Variants in MVB12B observed in about 807,000 individuals in gnomAD.
The protein encoded by MVB12B is multivesicular body subunit 12B.
Under a neutral mutation model 41.6 loss-of-function variants are expected in MVB12B, and 16 were observed. The ratio of observed to expected loss-of-function variants is 0.38; its 90% CI spans 0.26 to 0.58. MVB12B has a LOEUF of 0.58. Ranked by LOEUF, MVB12B falls within the 20% of genes least tolerant of loss-of-function variation. The probability of loss-of-function intolerance (pLI) is 0.62; values close to 1 mark genes in which losing one functional copy is unlikely to be tolerated. For synonymous variants in MVB12B, 133 were observed against 139.7 expected, an observed-to-expected ratio of 0.95 and a Z score of 0.34; for missense variants, 274 against 380.2, an observed-to-expected ratio of 0.72 and a Z score of 2.32.
chr9:126,481,537 C>T (rs962262520), intron 8 of MVB12B, 113 bp downstream of exon 8: 1 of 790,858 alleles, frequency 1.3e-6, no homozygotes, highest in South Asian at 1.5e-5. Flanking sequence ...GCCCCTTCCC[C>T]TACCGGAATC....
At chr9:126,502,566 G>T (rs961189942) in intron 9 of MVB12B, among the ~76,000 whole-genome samples, 3 of 152,048 alleles carry the variant, frequency 2.0e-5, no homozygotes, top group South Asian at 2.1e-4. Flanking sequence ...CCCTGGCCCC[G>T]CTGTGGCCTG....
intron 9 of MVB12B, among the ~76,000 whole-genome samples, chr9:126,502,864 G>C (rs774940849): frequency 6.6e-6 from 1 of 152,186 alleles, no homozygotes; most frequent in African/African-American, 2.4e-5. Flanking sequence ...GCAGATGGGC[G>C]GCACCGTGGT....
intron 9 of MVB12B, among the ~76,000 whole-genome samples, chr9:126,485,774 C>A (rs1833607389): frequency 9.1e-6 from 1 of 109,504 alleles, no homozygotes; most frequent in African/African-American, 3.2e-5. Context: ...AAAAGAAACC[C>A]AGGACTGGCA....
intron 2 of MVB12B, among the ~76,000 whole-genome samples, chr9:126,356,518 G>A (rs1184843760): frequency 6.6e-6 from 1 of 152,120 alleles, no homozygotes; most frequent in African/African-American, 2.4e-5. Flanking sequence ...GAGTATGTAT[G>A]TAAATGTCTG....
At chr9:126,477,133 G>A (rs1000211827) in intron 7 of MVB12B, among the ~76,000 whole-genome samples, 6 of 152,146 alleles carry the variant, frequency 3.9e-5, no homozygotes, top group Non-Finnish European at 7.3e-5. Flanking sequence ...GGTGGAAGGT[G>A]AAGGGGGAAC....
rs1830476793 is a variant in MVB12B at position 126,376,226 on chromosome 9, A to G, written c.205-4838A>G. Among the ~76,000 whole-genome samples the G allele has an allele frequency of 6.6e-6, 1 of 152,004 alleles. No homozygotes were observed. Among genetic ancestry groups the G allele is most frequent in the African/African-American group, 2.4e-5 (1 of 41,370 alleles). Reference sequence around the variant, plus strand: ...GTCCTCAAATTGTTCCTTTTTAAAAACGTTTTCATAATACTCTGTTCTTGT... The same window carrying G: ...GTCCTCAAATTGTTCCTTTTTAAAAGCGTTTTCATAATACTCTGTTCTTGT... On this transcript the variant is annotated intron_variant, in intron 2 of 9. Coordinates refer to ENST00000361171, the MANE Select transcript of MVB12B (RefSeq NM_033446.3). This position sits in a 1 kb window ranked among gnomAD's most constrained non-coding sequence, Gnocchi z 4.1.
At chr9:126,476,744 G>A (rs11790478) in intron 7 of MVB12B, among the ~76,000 whole-genome samples, 39,980 of 151,434 alleles carry the variant, frequency 0.26, 5,449 homozygotes, top group Middle Eastern at 0.33. Flanking sequence ...GGGCATGGTG[G>A]CGGGTGCCTG....
At chr9:126,341,423 G>C (rs1185351611) in intron 2 of MVB12B, among the ~76,000 whole-genome samples, 1 of 152,208 alleles carries the variant, frequency 6.6e-6, no homozygotes, top group Non-Finnish European at 1.5e-5. Context: ...GTGGTCTTAT[G>C]TTTACTTTCC....
At chr9:126,439,273 G>A (rs546846272) in intron 7 of MVB12B, among the ~76,000 whole-genome samples, 39 of 151,488 alleles carry the variant, frequency 2.6e-4, no homozygotes, top group African/African-American at 8.7e-4. Context: ...GTCCGCTGGG[G>A]GTGGGGGCGC....
chr9:126,398,354 C>G (rs1201847157), intron 6 of MVB12B, among the ~76,000 whole-genome samples: 2 of 152,236 alleles, frequency 1.3e-5, no homozygotes, highest in South Asian at 2.1e-4. Context: ...CTCCCTGGTC[C>G]CTGAGCACTG....
intron 4 of MVB12B, among the ~76,000 whole-genome samples, chr9:126,388,303 G>A (rs975301655): frequency 2.0e-5 from 3 of 152,170 alleles, no homozygotes; most frequent in African/African-American, 7.2e-5. Context: ...GTGGTCTTTT[G>A]TGACCAGCTT....
chr9:126,408,154 A>G (rs565651301), intron 6 of MVB12B: 2 of 152,362 alleles, frequency 1.3e-5, no homozygotes, highest in African/African-American at 4.8e-5. Flanking sequence ...AGCTGCCGGC[A>G]TGATAAGAAT....
chr9:126,459,656 C>T lies in MVB12B; in HGVS notation c.758-21713C>T, dbSNP rs145787415. Among the ~76,000 whole-genome samples, 220 of 152,244 alleles carry T rather than the reference C, an allele frequency of 1.4e-3. No homozygotes were observed. Among genetic ancestry groups the T allele is most frequent in the African/African-American group, 4.9e-3 (204 of 41,546 alleles). The stretch of plus-strand genomic sequence containing the variant: ...AGCCCAGGTGACTGTGGCATGCCTG[C>T]GGGTTTGAGAGTTTTGGAGCAGAAG... On this transcript the variant is annotated intron_variant, in intron 7 of 9. Transcript: ENST00000361171. The surrounding 1 kb of genome is among the most constrained non-coding windows in gnomAD (Gnocchi z 4.3).
intron 2 of MVB12B, among the ~76,000 whole-genome samples, chr9:126,368,718 AT>A (rs758511284): frequency 2.0e-4 from 31 of 152,140 alleles, no homozygotes; most frequent in Non-Finnish European, 4.0e-4. Context: ...AAAAGTATTT[AT>A]TTTTAATTAA....
In MVB12B at chr9:126,506,300, A is replaced by T. The variant is rs1279530979; in HGVS notation, c.*3037A>T. The T allele has an allele frequency of 1.3e-5, 2 of 152,544 alleles. No homozygotes were observed. Among genetic ancestry groups the T allele is most frequent in the Non-Finnish European group, 2.9e-5 (2 of 68,064 alleles). 9.4% of individuals were successfully genotyped at this position (152,544 alleles called of 1,614,324 possible). ...ACATTTCTCCTTTCATTCCCCCTAA[A>T]AACAGAGTGACCTGGAAGTAGATGT... On this transcript the variant is annotated 3_prime_UTR_variant, in exon 10 of 10. Transcript: ENST00000361171.
intron 5 of MVB12B, among the ~76,000 whole-genome samples, chr9:126,394,840 A>G (rs961346106): frequency 2.0e-5 from 3 of 152,216 alleles, no homozygotes; most frequent in African/African-American, 7.2e-5. Flanking sequence ...CCAAAGATGC[A>G]GTTCTGTGGG....
Position 126,478,343 on chromosome 9 carries a change from C to G in MVB12B, c.758-3026C>G, listed in dbSNP as rs1447147130. ...CAGGCTGGAGCCCTCTACCCAGTTC[C>G]CCAGATCCCCGTGCATGGGAACAGC... On this transcript the variant is annotated intron_variant, in intron 7 of 9. Transcript: ENST00000361171. The surrounding 1 kb of genome is among the most constrained non-coding windows in gnomAD (Gnocchi z 4.2). Among the ~76,000 whole-genome samples, 1 of 152,076 alleles carries G rather than the reference C, an allele frequency of 6.6e-6. No homozygotes were observed. The highest frequency in any genetic ancestry group is 2.4e-5 in the African/African-American group (1 of 41,388).
intron 6 of MVB12B, among the ~76,000 whole-genome samples, chr9:126,410,328 CCT>C (rs1187511977): frequency 1.3e-5 from 2 of 152,080 alleles, no homozygotes; most frequent in South Asian, 2.1e-4. Context: ...TACTTTGTGC[CCT>C]GTGTCATCTC....
intron 2 of MVB12B, among the ~76,000 whole-genome samples, chr9:126,363,118 T>TG (rs1485968948): frequency 2.0e-5 from 3 of 149,970 alleles, no homozygotes; most frequent in African/African-American, 7.4e-5. Flanking sequence ...ACCTGGGAGG[T>TG]GGAGGTTGCA....
Sources: allele counts gnomAD v4.1 joint callset (sites outside exome capture counted in the v4.1 genomes callset), GRCh38; gene constraint gnomAD v4.1.1; non-coding constraint Gnocchi (gnomAD v3.1); transcripts MANE v1.5; gene names NCBI Gene and HGNC (gene_info 2026-07-23, HGNC 2026-07-21).